The following TMEM244 variants were observed in gnomAD, a reference collection of about 807,000 sequenced individuals.
TMEM244 encodes the protein transmembrane protein 244, also known as putative transmembrane protein 244.
In TMEM244, 13 loss-of-function variants were observed where a neutral mutation model predicts 15.8. That is an observed-to-expected ratio of 0.82 (90% CI 0.53 to 1.30). The LOEUF is 1.30. TMEM244 is among the 50% of genes most tolerant of loss of function. TMEM244 has a pLI of 0.00. For missense variants in TMEM244, 161 were observed against 144.9 expected, an observed-to-expected ratio of 1.11 and a Z score of -0.57; for synonymous variants, 45 against 48.7, an observed-to-expected ratio of 0.92 and a Z score of 0.32.
At chr6:129,844,467 T>C (rs1489197830) in intron 2 of TMEM244, among the ~76,000 whole-genome samples, 1 of 152,194 alleles carries the variant, frequency 6.6e-6, no homozygotes, top group Non-Finnish European at 1.5e-5. Flanking sequence ...ATTTCCTACC[T>C]ATAAATTGAA....
chr6:129,860,908 C>T (rs930103317), intron 1 of TMEM244, among the ~76,000 whole-genome samples: 5 of 152,088 alleles, frequency 3.3e-5, no homozygotes, highest in Middle Eastern at 3.4e-3. Flanking sequence ...AGCTTACCTC[C>T]GAATAAAATG....
At chr6:129,856,856 A>G (rs1043079799) in intron 1 of TMEM244, among the ~76,000 whole-genome samples, 13 of 152,048 alleles carry the variant, frequency 8.5e-5, no homozygotes, top group Non-Finnish European at 1.5e-4. Context: ...TATGTTTATG[A>G]GTACCATTCA....
At chr6:129,838,770 A>G (rs535649556) in intron 3 of TMEM244, among the ~76,000 whole-genome samples, 108 of 152,346 alleles carry the variant, frequency 7.1e-4, no homozygotes, top group Admixed American at 1.4e-3. Flanking sequence ...CCACAGAAAT[A>G]CAAACTACCA....
chr6:129,856,563 C>T (rs1776712875), intron 1 of TMEM244, among the ~76,000 whole-genome samples: 3 of 152,074 alleles, frequency 2.0e-5, no homozygotes, highest in African/African-American at 7.2e-5. Context: ...ATCTTAATTA[C>T]AGTGATGGTT....
At chr6:129,831,613 T>C (rs1776329887) in intron 4 of TMEM244, among the ~76,000 whole-genome samples, 1 of 152,144 alleles carries the variant, frequency 6.6e-6, no homozygotes, top group African/African-American at 2.4e-5. Context: ...AATTGTGAGG[T>C]TCTCAGATCA....
chr6:129,839,479 A>G (rs1164038145), intron 3 of TMEM244, among the ~76,000 whole-genome samples: 1 of 152,228 alleles, frequency 6.6e-6, no homozygotes, highest in African/African-American at 2.4e-5. Context: ...GTCATACTGA[A>G]TGGGCAAAAA....
At chr6:129,860,058 G>A (rs1391108003) in intron 1 of TMEM244, among the ~76,000 whole-genome samples, 4 of 151,730 alleles carry the variant, frequency 2.6e-5, no homozygotes, top group African/African-American at 9.7e-5. Flanking sequence ...ATGATTCTAA[G>A]ATAGTGAGGA....
At chr6:129,850,509 A>G (rs920573068) in intron 1 of TMEM244, among the ~76,000 whole-genome samples, 6 of 152,186 alleles carry the variant, frequency 3.9e-5, no homozygotes, top group Admixed American at 1.3e-4. Flanking sequence ...CAATTTTCCA[A>G]CCCAATTTTA....
chr6:129,858,885 C>T (rs537096922), intron 1 of TMEM244, among the ~76,000 whole-genome samples: 2 of 152,100 alleles, frequency 1.3e-5, no homozygotes, highest in South Asian at 4.2e-4. Flanking sequence ...CCTCTGCCTC[C>T]CGGCTTCAAG....
rs757397083 is a variant in TMEM244, at chr6:129,860,104, C to CGTGTGT, written c.33+1046_33+1051dup. Among the ~76,000 whole-genome samples, 431 of 140,678 alleles carry CGTGTGT rather than the reference C, an allele frequency of 3.1e-3. 1 individual carries two copies. Among genetic ancestry groups the CGTGTGT allele is most frequent in the East Asian group, 8.4e-3 (39 of 4,628 alleles). The allele number at this position is 140,678 out of a possible 152,430, so 92.3% of individuals were successfully genotyped here. On this transcript the variant is annotated intron_variant, in intron 1 of 4. Coordinates refer to ENST00000368143, the MANE Select transcript of TMEM244 (RefSeq NM_001010876.2). ...CTATCTGGATATTTTCTCTGCAATG[C>CGTGTGT]GTGTGTGTGTGTGTGTGTGTGTGTG...
intron 4 of TMEM244, among the ~76,000 whole-genome samples, chr6:129,833,038 G>C (rs1403456807): frequency 6.6e-6 from 1 of 151,966 alleles, no homozygotes; most frequent in Non-Finnish European, 1.5e-5. Context: ...ATTGGATGTT[G>C]AAAAAGAAAA....
chr6:129,861,017 C>T (rs1184071405), intron 1 of TMEM244, 139 bp downstream of exon 1: 2 of 833,364 alleles, frequency 2.4e-6, no homozygotes, highest in Non-Finnish European at 3.9e-6. Context: ...AGCCGTGCAG[C>T]AGAATGTTTT....
At chr6:129,843,911 T>G (rs1776527075) in intron 2 of TMEM244, among the ~76,000 whole-genome samples, 1 of 152,146 alleles carries the variant, frequency 6.6e-6, no homozygotes, top group Non-Finnish European at 1.5e-5. Context: ...CAAGGCAACG[T>G]CTAGTTACGA....
intron 3 of TMEM244, among the ~76,000 whole-genome samples, chr6:129,839,244 T>A (rs1776452181): frequency 6.6e-6 from 1 of 152,166 alleles, no homozygotes; most frequent in African/African-American, 2.4e-5. Flanking sequence ...ACAAGCTGGC[T>A]TCATCCCTGG....
chr6:129,831,554 A>G (rs541119957), intron 4 of TMEM244, among the ~76,000 whole-genome samples, 168 bp from the exon 5 acceptor site: 1 of 152,302 alleles, frequency 6.6e-6, no homozygotes, highest in South Asian at 2.1e-4. Flanking sequence ...CTAAAAGGTC[A>G]TTTGTTAAGT....
intron 1 of TMEM244, among the ~76,000 whole-genome samples, chr6:129,852,596 A>C (rs1776649713): frequency 6.6e-6 from 1 of 152,178 alleles, no homozygotes; most frequent in Non-Finnish European, 1.5e-5. Flanking sequence ...TGGACTCAGC[A>C]AAGTCCTAGG....
intron 3 of TMEM244, among the ~76,000 whole-genome samples, chr6:129,837,035 G>A (rs2114634165): frequency 6.6e-6 from 1 of 152,268 alleles, no homozygotes; most frequent in East Asian, 1.9e-4. Context: ...CCCTAACCTA[G>A]CAAGGCAGGC....
chr6:129,846,259 C>T (rs539650680), intron 1 of TMEM244, among the ~76,000 whole-genome samples: 1 of 152,076 alleles, frequency 6.6e-6, no homozygotes, highest in African/African-American at 2.4e-5. Flanking sequence ...CTTCAAATAA[C>T]ATTTTAATTT....
chr6:129,847,947 T>C (rs1355805909), intron 1 of TMEM244, among the ~76,000 whole-genome samples: 1 of 151,956 alleles, frequency 6.6e-6, no homozygotes, highest in Non-Finnish European at 1.5e-5. Context: ...GCTAATTTTG[T>C]ATTTTTAGTA....
Sources: gnomAD v4.1 joint callset for allele counts (sites outside exome capture counted in the v4.1 genomes callset) on GRCh38, gnomAD v4.1.1 for gene constraint, MANE v1.5 for transcripts, NCBI Gene and HGNC (gene_info 2026-07-23, HGNC 2026-07-21) for gene names.